Variants in GRID2 observed in about 807,000 individuals in gnomAD.
GRID2 encodes glutamate receptor ionotropic, delta-2.
Under a neutral mutation model 114.8 loss-of-function variants are expected in GRID2, and 33 were observed. The observed-to-expected ratio is 0.29, with a 90% CI of 0.22 to 0.38. The LOEUF (loss-of-function observed/expected upper bound fraction) is 0.38. GRID2 is among the 10% of genes least tolerant of loss of function. The pLI is 1.00. For synonymous variants in GRID2, 505 were observed against 449.9 expected (o/e 1.12, Z -1.55); for missense variants, 1,184 against 1,257.7 (o/e 0.94, Z 0.89).
intron 8 of GRID2, among the ~76,000 whole-genome samples, chr4:93,341,734 T>G (rs188049681): frequency 1.6e-4 from 24 of 152,300 alleles, no homozygotes; most frequent in African/African-American, 5.8e-4. Context: ...GGGAAAGTCC[T>G]GGATTTGCCT....
intron 8 of GRID2, among the ~76,000 whole-genome samples, chr4:93,310,521 C>G (rs928028424): frequency 2.0e-5 from 3 of 151,858 alleles, no homozygotes; most frequent in African/African-American, 2.4e-5. Context: ...CAGAACGAGA[C>G]TCCATCTCAA....
intron 3 of GRID2, among the ~76,000 whole-genome samples, chr4:93,101,867 A>G (rs1731739130): frequency 6.6e-6 from 1 of 152,108 alleles, no homozygotes; most frequent in Non-Finnish European, 1.5e-5. Flanking sequence ...TCCTATCAAT[A>G]TTTTATTCCA....
chr4:92,503,140 A>T (rs146326804), intron 1 of GRID2, among the ~76,000 whole-genome samples: 149 of 152,266 alleles, frequency 9.8e-4, no homozygotes, highest in African/African-American at 3.4e-3. Context: ...AGCCTGTACT[A>T]ATTATGTACA....
At chr4:93,704,878 A>C (rs1560926104) in intron 14 of GRID2, among the ~76,000 whole-genome samples, 1 of 152,254 alleles carries the variant, frequency 6.6e-6, no homozygotes, top group East Asian at 1.9e-4. Context: ...GTTGCTTCCA[A>C]ATCTTCACTA....
chr4:92,752,562 G>A (rs1737504743), intron 2 of GRID2, among the ~76,000 whole-genome samples: 1 of 152,062 alleles, frequency 6.6e-6, no homozygotes, highest in Non-Finnish European at 1.5e-5. Flanking sequence ...GGATATTTTA[G>A]GATATCTGTG....
chr4:93,077,579 C>G (rs1404548277), intron 2 of GRID2, among the ~76,000 whole-genome samples: 1 of 152,094 alleles, frequency 6.6e-6, no homozygotes, highest in African/African-American at 2.4e-5. Context: ...ATAATATGAT[C>G]TGATTATCAT....
At chr4:92,639,049 T>G (rs1382784023) in intron 2 of GRID2, among the ~76,000 whole-genome samples, 2 of 151,454 alleles carry the variant, frequency 1.3e-5, no homozygotes, top group African/African-American at 2.4e-5. Flanking sequence ...TATAATGGTA[T>G]TTTCAATTTG....
At chr4:92,820,620 C>T (rs1191155210) in intron 2 of GRID2, among the ~76,000 whole-genome samples, 1 of 152,056 alleles carries the variant, frequency 6.6e-6, no homozygotes, top group Non-Finnish European at 1.5e-5. Flanking sequence ...TGTCAGAATC[C>T]TATAAATACC....
intron 1 of GRID2, among the ~76,000 whole-genome samples, chr4:92,444,275 G>A (rs1733311180): frequency 6.6e-6 from 1 of 152,186 alleles, no homozygotes; most frequent in Non-Finnish European, 1.5e-5. Flanking sequence ...TTTCACCTGG[G>A]TGCAGGCAGG....
intron 11 of GRID2, among the ~76,000 whole-genome samples, chr4:93,490,362 TA>T (rs1726865159): frequency 6.6e-6 from 1 of 151,894 alleles, no homozygotes; most frequent in African/African-American, 2.4e-5. Flanking sequence ...GTGATTATAA[TA>T]AAAGGTAATT....
intron 14 of GRID2, among the ~76,000 whole-genome samples, chr4:93,748,985 A>G (rs2110276978): frequency 6.6e-6 from 1 of 151,264 alleles, no homozygotes; most frequent in East Asian, 2.0e-4. Flanking sequence ...CTTCCACTAC[A>G]GTCACATCAT....
chr4:93,335,489 A>G (rs1472076380), intron 8 of GRID2, among the ~76,000 whole-genome samples: 1 of 152,148 alleles, frequency 6.6e-6, no homozygotes, highest in Non-Finnish European at 1.5e-5. Flanking sequence ...CATGTTTTAT[A>G]TTGTCTTAAG....
At chr4:92,702,667 C>T (rs952261850) in intron 2 of GRID2, 3 of 151,468 alleles carry the variant, frequency 2.0e-5, no homozygotes, top group African/African-American at 7.3e-5. Context: ...GTATACTATA[C>T]TATTATATAG....
intron 4 of GRID2, among the ~76,000 whole-genome samples, chr4:93,162,237 A>G (rs182056320): frequency 2.0e-5 from 3 of 152,098 alleles, no homozygotes; most frequent in Admixed American, 2.0e-4. Context: ...GAATTGTAAT[A>G]AGTTACCATA....
At chr4:92,353,954 G>A (rs994623404) in intron 1 of GRID2, among the ~76,000 whole-genome samples, 1 of 151,884 alleles carries the variant, frequency 6.6e-6, no homozygotes. Flanking sequence ...TTTGCCTCAG[G>A]CATCCGCAGA....
At chr4:92,573,758 A>G (rs1162511987) in intron 1 of GRID2, among the ~76,000 whole-genome samples, 2 of 151,984 alleles carry the variant, frequency 1.3e-5, no homozygotes, top group African/African-American at 4.8e-5. Context: ...AGAGTAAGTG[A>G]CATGTTCCAC....
At chr4:92,866,583 A>C (rs534919421) in intron 2 of GRID2, among the ~76,000 whole-genome samples, 43 of 151,400 alleles carry the variant, frequency 2.8e-4, no homozygotes, top group African/African-American at 9.5e-4. Context: ...TCACTCTGTC[A>C]CCCAGGCTGG....
At chr4:93,527,717 A>G (rs1731051070) in intron 13 of GRID2, among the ~76,000 whole-genome samples, 1 of 152,156 alleles carries the variant, frequency 6.6e-6, no homozygotes, top group Non-Finnish European at 1.5e-5. Context: ...AAATACATGT[A>G]ACATAAAATT....
intron 2 of GRID2, among the ~76,000 whole-genome samples, chr4:93,052,343 A>G (rs1726798548): frequency 1.3e-5 from 2 of 151,880 alleles, no homozygotes. Flanking sequence ...GTCATGTATC[A>G]CTTAATGATG....
Sources: allele counts gnomAD v4.1 joint callset (sites outside exome capture counted in the v4.1 genomes callset), GRCh38; gene constraint gnomAD v4.1.1; transcripts MANE v1.5; gene names NCBI Gene and HGNC (gene_info 2026-07-23, HGNC 2026-07-21).